ARFGEF2: variants seen among roughly 807,000 people sequenced by gnomAD.
ARFGEF2 encodes the protein ARF guanine nucleotide exchange factor 2, also known as brefeldin A-inhibited guanine nucleotide-exchange protein 2.
In ARFGEF2, 74 loss-of-function variants were observed where a neutral mutation model predicts 219.9. The ratio of observed to expected loss-of-function variants is 0.34; its 90% confidence interval spans 0.28 to 0.41. The LOEUF is 0.41. Among genes scored for constraint, ARFGEF2 ranks in the 10% least tolerant of loss-of-function variants. ARFGEF2 has a pLI of 1.00. For missense variants in ARFGEF2, 1,743 were observed against 2,218.3 expected (o/e 0.79, Z 4.30); for synonymous variants, 733 against 799.2 (o/e 0.92, Z 1.40).
intron 14 of ARFGEF2, among the ~76,000 whole-genome samples, chr20:48,980,075 G>A (rs1821242590): frequency 6.6e-6 from 1 of 152,014 alleles, no homozygotes; most frequent in African/African-American, 2.4e-5. Flanking sequence ...TGTGATGTTA[G>A]TGTGTCAATT....
intron 25 of ARFGEF2, among the ~76,000 whole-genome samples, chr20:49,001,514 A>G (rs1324924726): frequency 2.6e-5 from 4 of 152,184 alleles, no homozygotes; most frequent in Non-Finnish European, 5.9e-5. Context: ...ATTCTCTTGA[A>G]CTAGGGGCAC....
chr20:48,936,595 G>T (rs926615345), intron 1 of ARFGEF2, among the ~76,000 whole-genome samples: 2 of 152,160 alleles, frequency 1.3e-5, no homozygotes, highest in African/African-American at 4.8e-5. Flanking sequence ...CATGATCTCA[G>T]CTCACTGCGC....
In ARFGEF2 at chr20:48,982,256, G is replaced by A. The variant is rs936943074; in HGVS notation, c.1959-2473G>A. ...AGTCAGGTCCCTCAGCTGCAGGTCTGTGGGAGTTTGCTGGAGGTCCACTCC... is the reference window on the plus strand; with the variant it reads ...AGTCAGGTCCCTCAGCTGCAGGTCTATGGGAGTTTGCTGGAGGTCCACTCC... On this transcript the variant is annotated intron_variant, in intron 14 of 38. Coordinates refer to ENST00000371917, the MANE Select transcript of ARFGEF2 (RefSeq NM_006420.3). 2.0e-5 allele frequency among the ~76,000 whole-genome samples: 3 copies of A among 152,304 alleles called. No individual in the cohort carries two copies. The East Asian group carries it at 5.8e-4, about 29-fold the overall frequency.
At chr20:49,032,937 C>A (rs2091645282) in intron 38 of ARFGEF2, 86 bp from the exon 39 acceptor site, 1 of 1,280,076 alleles carries the variant, frequency 7.8e-7, no homozygotes, top group African/African-American at 1.5e-5. Flanking sequence ...GTAATAAGTT[C>A]CAGGGTGAGA....
intron 1 of ARFGEF2, among the ~76,000 whole-genome samples, chr20:48,924,552 A>G (rs35354506): frequency 2.7e-4 from 41 of 150,746 alleles, no homozygotes; most frequent in Non-Finnish European, 6.0e-4. Flanking sequence ...GAGCCAGTGT[A>G]TAAGGAGCAG....
At chr20:48,923,781 G>A (rs562007354) in intron 1 of ARFGEF2, among the ~76,000 whole-genome samples, 2 of 152,298 alleles carry the variant, frequency 1.3e-5, no homozygotes, top group African/African-American at 4.8e-5. Context: ...TTTCACCAAA[G>A]TGTGCATCAT....
intron 9 of ARFGEF2, 32 bp downstream of exon 9, chr20:48,969,309 G>A: frequency 1.2e-6 from 2 of 1,613,948 alleles, no homozygotes; most frequent in Non-Finnish European, 1.7e-6. Flanking sequence ...GCCACCTTCA[G>A]TCCAATGATC....
chr20:48,960,197 C>A (rs1350558808), intron 6 of ARFGEF2, among the ~76,000 whole-genome samples: 1 of 152,206 alleles, frequency 6.6e-6, no homozygotes, highest in African/African-American at 2.4e-5. Flanking sequence ...TAGCCTATTG[C>A]TCCTAGGCTA....
At position 48,989,387 on chromosome 20, in the gene ARFGEF2, C is replaced by T; in HGVS notation, c.2636C>T (p.Ala879Val). The T allele has an allele frequency of 1.2e-6, 2 of 1,614,218 alleles. No individual in the cohort carries two copies. The highest frequency in any genetic ancestry group is 1.7e-6 in the Non-Finnish European group (2 of 1,180,032). The part of the protein sequence containing the change: ...ALMEAVSHAK[A>V]PFTSATHLDH... ...ATGGAGGCTGTGAGCCATGCCAAAGCCCCGTTTACCAGTGCCACTCACCTG... is the reference window on the plus strand; with the variant it reads ...ATGGAGGCTGTGAGCCATGCCAAAGTCCCGTTTACCAGTGCCACTCACCTG... Residue 879 changes from alanine (A) to valine (V), a missense_variant, in exon 19 of 39, where the codon GCC becomes GTC. By Grantham distance (64) the Ala-to-Val change is moderately conservative (BLOSUM62 0). This residue lies in a region of ARFGEF2 where 666 missense variants were observed against 955.4 expected (regional missense o/e 0.70). Coordinates refer to ENST00000371917, the MANE Select transcript of ARFGEF2 (RefSeq NM_006420.3).
intron 6 of ARFGEF2, 91 bp from the exon 7 acceptor site, chr20:48,963,739 A>G: frequency 7.6e-7 from 1 of 1,310,686 alleles, no homozygotes; most frequent in Non-Finnish European, 1.1e-6. Flanking sequence ...TGCCTTCTGA[A>G]ATGTAACTCC....
chr20:48,999,209 G>A (rs779318201), intron 25 of ARFGEF2: 1 of 442,580 alleles, frequency 2.3e-6, no homozygotes, highest in Non-Finnish European at 4.5e-6. Context: ...CTGCACCCCA[G>A]CCTGGGTAAC....
At chr20:48,950,811 A>AAAAAAAT in intron 3 of ARFGEF2, among the ~76,000 whole-genome samples, 1 of 64,482 alleles carries the variant, frequency 1.6e-5, no homozygotes, top group Non-Finnish European at 2.6e-5. Flanking sequence ...AAAAAAAAAA[A>AAAAAAAT]ATATATATAT....
In ARFGEF2 at chr20:49,019,089, T is replaced by G. The variant is rs1005679654; in HGVS notation, c.4624+91T>G. 8.4e-5 allele frequency: 92 copies of G among 1,092,226 alleles called. No homozygotes were observed. The East Asian group carries it at 1.5e-3, about 18-fold the overall frequency. 67.7% of individuals were successfully genotyped at this position (1,092,226 alleles called of 1,614,324 possible). ...CACAAAAGGGTAAACATGATAAGCC[T>G]TCTTCTGCCCTGTGCCTCAGTCTGC... is the stretch of plus-strand genomic sequence containing the variant. On this transcript the variant is annotated intron_variant, in intron 34 of 38. Transcript: ENST00000371917.
chr20:48,957,467 G>A (rs893341916), intron 6 of ARFGEF2, among the ~76,000 whole-genome samples: 1 of 152,182 alleles, frequency 6.6e-6, no homozygotes. Flanking sequence ...ATTTTGCTTC[G>A]GGGCAGAGTC....
chr20:49,004,305 C>T (rs2091442959), intron 25 of ARFGEF2, among the ~76,000 whole-genome samples: 1 of 150,974 alleles, frequency 6.6e-6, no homozygotes, highest in South Asian at 2.1e-4. Flanking sequence ...TGGAGGTTGC[C>T]AGCCTGGGCA....
Position 48,988,634 on chromosome 20 carries a change from A to G in ARFGEF2, c.2505A>G (p.Leu835=). 6.2e-7 allele frequency: 1 copy of G among 1,613,620 alleles called. No homozygotes were observed. The highest frequency in any genetic ancestry group is 8.5e-7 in the Non-Finnish European group (1 of 1,179,836). ...KKIAMKETKE[L]TIATKSTKQN... ...TTGCAATGAAAGAAACAAAAGAGCT[A>G]ACGATTGCAACCAAATCTACTAAGC... Residue 835 remains leucine, a synonymous_variant, in exon 18 of 39, where the codon CTA becomes CTG. Coordinates refer to ENST00000371917, the MANE Select transcript of ARFGEF2 (RefSeq NM_006420.3).
chr20:48,961,112 T>TAA (rs1490506780), intron 6 of ARFGEF2, among the ~76,000 whole-genome samples: 5 of 148,900 alleles, frequency 3.4e-5, no homozygotes, highest in Admixed American at 1.3e-4. Flanking sequence ...ATAATAATAA[T>TAA]TTTCTTTATT....
At chr20:49,016,250 C>T (rs766897509) in intron 30 of ARFGEF2, 30 bp from the exon 31 acceptor site, 1 of 1,612,154 alleles carries the variant, frequency 6.2e-7, no homozygotes, top group Admixed American at 1.7e-5. Flanking sequence ...GGGAGAATAG[C>T]TTTTAAGTGT....
At chr20:49,025,261 A>G (rs1235159318) in intron 35 of ARFGEF2, 52 bp from the exon 36 acceptor site, 9 of 1,568,574 alleles carry the variant, frequency 5.7e-6, no homozygotes, top group African/African-American at 2.7e-5. Context: ...CACAATGCCC[A>G]GAGCATTCCA....
Sources: allele counts gnomAD v4.1 joint callset (sites outside exome capture counted in the v4.1 genomes callset), GRCh38; gene constraint gnomAD v4.1.1; regional missense constraint gnomAD v4.1.1; transcripts MANE v1.5; gene names NCBI Gene and HGNC (gene_info 2026-07-23, HGNC 2026-07-21).